Variants in JMJD6 observed in about 807,000 individuals in gnomAD.
JMJD6 encodes the protein bifunctional arginine demethylase and lysyl-hydroxylase JMJD6.
Under a neutral mutation model 45.8 loss-of-function variants are expected in JMJD6, and 17 were observed. The ratio of observed to expected loss-of-function variants is 0.37; its 90% CI spans 0.25 to 0.56. JMJD6 has a LOEUF of 0.56. JMJD6 is among the 20% of genes least tolerant of loss of function. JMJD6 has a pLI of 0.79. For missense variants in JMJD6, 470 were observed against 517.5 expected (o/e 0.91, Z 0.89); for synonymous variants, 221 against 196.3 (o/e 1.13, Z -1.05).
rs111770439 is a variant in JMJD6 at position 76,723,241 on chromosome 17, G to T, written c.805+531C>A. On this transcript the variant is annotated intron_variant, in intron 3 of 5. Coordinates refer to ENST00000397625, the MANE Select transcript of JMJD6 (RefSeq NM_015167.3). ...TATTACAGGTGTGAGCCACCGCACC[G>T]GGCCTGCATACAGTTTATCAGGTTT... Among the ~76,000 whole-genome samples, 413 of 151,858 alleles carry T rather than the reference G, an allele frequency of 2.7e-3. 1 individual carries two copies. Among genetic ancestry groups the T allele is most frequent in the Middle Eastern group, 6.8e-3 (2 of 294 alleles).
Position 76,718,741 on chromosome 17 carries a change from G to C in JMJD6, c.1200C>G (p.Ser400Arg). 6.2e-7 allele frequency: 1 copy of C among 1,614,126 alleles called. No individual in the cohort carries two copies. The highest frequency in any genetic ancestry group is 8.5e-7 in the Non-Finnish European group (1 of 1,179,972). Residue 400 changes from serine to arginine, a missense_variant, in exon 6 of 6, where the codon AGC becomes AGG. By Grantham distance (110) the Ser-to-Arg change is moderately radical (BLOSUM62 -1). This residue lies in a region of JMJD6 where 21 missense variants were observed against 36.9 expected (regional missense o/e 0.57). Transcript: ENST00000397625. ...SQDDCVSKER[S>R]SSR ...CAGCCTTGCTGGGTCACCTGGAGGA[G>C]CTGCGCTCTTTGCTGACACAGTCGT...
At chr17:76,714,854 G>C (rs1442289945), downstream of JMJD6, 1 of 152,096 alleles carries the variant, frequency 6.6e-6, no homozygotes, top group Non-Finnish European at 1.5e-5. Flanking sequence ...TCACTATGTT[G>C]CCCAGACTGG....
At chr17:76,726,033 C>T (rs2076920803) in intron 1 of JMJD6, among the ~76,000 whole-genome samples, 178 bp from the exon 2 acceptor site, 1 of 152,224 alleles carries the variant, frequency 6.6e-6, no homozygotes, top group Non-Finnish European at 1.5e-5. Context: ...GAGCCACCCC[C>T]CATGAGCCTT....
chr17:76,718,421 TGGTATTCTCAAAGGAA>T, downstream of JMJD6: 1 of 1,298,090 alleles, frequency 7.7e-7, no homozygotes, highest in Non-Finnish European at 9.8e-7. Context: ...GGGAATGTTC[TGGTATTCTCAAAGGAA>T]AACATTTCCA....
chr17:76,724,152 G>A, intron 2 of JMJD6, 94 bp from the exon 3 acceptor site: 2 of 1,361,626 alleles, frequency 1.5e-6, no homozygotes, highest in Non-Finnish European at 2.0e-6. Context: ...TGAGAGTCTT[G>A]CTCTATCACC....
chr17:76,723,935 G>C lies in JMJD6; in HGVS notation c.642C>G (p.Pro214=), dbSNP rs2076861767. The part of the protein sequence containing the change: ...KRWCLFPTST[P]RELIKVTRDE... Reference sequence around the variant, plus strand: ...CTCGGGTCACTTTGATGAGTTCCCTGGGAGTGCTGGTAGGAAACAGGCACC... The same window carrying C: ...CTCGGGTCACTTTGATGAGTTCCCTCGGAGTGCTGGTAGGAAACAGGCACC... The change falls in exon 3 of 6, where the codon CCC becomes CCG. Residue 214 remains proline, a synonymous_variant. Coordinates refer to ENST00000397625, the MANE Select transcript of JMJD6 (RefSeq NM_015167.3). 1 of 1,614,092 alleles carries C rather than the reference G, an allele frequency of 6.2e-7. No homozygotes were observed. Among genetic ancestry groups the C allele is most frequent in the Non-Finnish European group, 8.5e-7 (1 of 1,180,020 alleles).
downstream of JMJD6, among the ~76,000 whole-genome samples, chr17:76,716,967 C>T (rs553591541): frequency 6.6e-6 from 1 of 152,110 alleles, no homozygotes; most frequent in Non-Finnish European, 1.5e-5. Flanking sequence ...GAAAGGACAT[C>T]GAGGGTTGAG....
At chr17:76,725,983 G>C in intron 1 of JMJD6, 128 bp from the exon 2 acceptor site, 13 of 1,216,082 alleles carry the variant, frequency 1.1e-5, no homozygotes, top group Non-Finnish European at 1.3e-5. Flanking sequence ...GCTCCTCCGG[G>C]GTGGGGGCAG....
intron 1 of JMJD6, 72 bp downstream of exon 1, chr17:76,726,275 G>A: frequency 6.7e-7 from 1 of 1,493,798 alleles, no homozygotes; most frequent in Non-Finnish European, 8.9e-7. Context: ...GGCAGCCTCG[G>A]GCCCAGAGAA....
rs762334912 is a variant in JMJD6, at chr17:76,725,873, G to C, written c.130-18C>G. ...ACGTTATCCTGAGGGAATTAAAAAA[G>C]ACCTGTCCAGTTAAAAAAAAAAAAA... On this transcript the variant is annotated intron_variant, in intron 1 of 5. Transcript: ENST00000397625. 22 of 1,530,648 alleles carry C rather than the reference G, an allele frequency of 1.4e-5. No individual in the cohort carries two copies. Among genetic ancestry groups the C allele is most frequent in the Non-Finnish European group, 1.9e-5 (22 of 1,149,162 alleles). 94.8% of individuals were successfully genotyped at this position (1,530,648 alleles called of 1,614,324 possible). A position where few individuals can be genotyped will look rare whatever the true frequency, so the allele number is the denominator to read the frequency against.
At chr17:76,713,578 C>T (rs891703231), downstream of JMJD6, 1 of 152,222 alleles carries the variant, frequency 6.6e-6, no homozygotes, top group Non-Finnish European at 1.5e-5. Context: ...AAACAACTTA[C>T]TCGTGGAAAT....
In JMJD6 at chr17:76,725,625, G is replaced by A; in HGVS notation, c.360C>T (p.Tyr120=). The change falls in exon 2 of 6, where the codon TAC becomes TAT. Residue 120 remains tyrosine, a synonymous_variant. Transcript: ENST00000397625. Reference sequence around the variant, plus strand: ...GACTATCATCTCGAGTGCTCTCCATGTACTCGATGTAGTATTTCATCTTCA... The same window carrying A: ...GACTATCATCTCGAGTGCTCTCCATATACTCGATGTAGTATTTCATCTTCA... ...VKMKMKYYIE[Y]MESTRDDSPL... The A allele has an allele frequency of 1.2e-6, 2 of 1,614,064 alleles. No homozygotes were observed. The highest frequency in any genetic ancestry group is 1.7e-6 in the Non-Finnish European group (2 of 1,180,004).
chr17:76,725,165 T>C (rs1047378264), intron 2 of JMJD6, among the ~76,000 whole-genome samples: 5 of 152,044 alleles, frequency 3.3e-5, no homozygotes, highest in Admixed American at 3.3e-4. Flanking sequence ...TCGCAGCACT[T>C]TGGGAGGCCG....
downstream of JMJD6, chr17:76,714,690 A>G (rs560491474): frequency 6.6e-6 from 1 of 152,408 alleles, no homozygotes; most frequent in Non-Finnish European, 1.5e-5. Flanking sequence ...CAGACACTGT[A>G]CTATCCAGAG....
chr17:76,718,614 T>C lies in JMJD6; in HGVS notation c.*115A>G. 6.7e-7 allele frequency: 1 copy of C among 1,489,360 alleles called. No individual in the cohort carries two copies. The allele number at this position is 1,489,360 out of a possible 1,614,324, so 92.3% of individuals were successfully genotyped here. On this transcript the variant is annotated 3_prime_UTR_variant, in exon 6 of 6. Transcript: ENST00000397625. ...ATGGGTTCCCGTGCCGAGGGTGTCC[T>C]CATTCTTGGGCTCTGTCAGGCCTCC... is the stretch of plus-strand genomic sequence containing the variant.
exon 7 of JMJD6, chr17:76,713,438 TG>T (rs2076742974): frequency 6.6e-6 from 1 of 152,146 alleles, no homozygotes; most frequent in African/African-American, 2.4e-5. Flanking sequence ...AGCCACCGCC[TG>T]GGGGTGCAAG....
intron 5 of JMJD6, among the ~76,000 whole-genome samples, chr17:76,719,247 G>A (rs187715538): frequency 1.1e-4 from 17 of 152,230 alleles, no homozygotes; most frequent in East Asian, 1.9e-4. Flanking sequence ...CCTGTTCCCC[G>A]CCTGACGAGA....
In JMJD6 at chr17:76,726,571, G is replaced by T. The variant is rs909158327; in HGVS notation, c.-96C>A. The T allele has an allele frequency of 6.9e-7, 1 of 1,448,060 alleles. No homozygotes were observed. The highest frequency in any genetic ancestry group is 9.1e-7 in the Non-Finnish European group (1 of 1,094,296). The allele number at this position is 1,448,060 out of a possible 1,614,324, so 89.7% of individuals were successfully genotyped here. A position where few individuals can be genotyped will look rare whatever the true frequency, so the allele number is the denominator to read the frequency against. ...CCCGGCCTGGGCGGCGGCGACGGCAGTACCCAAACGCCCTTCGCTCAGTCC... is the reference window on the plus strand; with the variant it reads ...CCCGGCCTGGGCGGCGGCGACGGCATTACCCAAACGCCCTTCGCTCAGTCC... On this transcript the variant is annotated 5_prime_UTR_variant, in exon 1 of 6. The change creates a new upstream start codon in the 5' untranslated region. Transcript: ENST00000397625.
chr17:76,725,807 C>T lies in JMJD6; in HGVS notation c.178G>A (p.Val60Met). ...DALQLSVEEF[V>M]ERYERPYKPV... is the part of the protein sequence containing the mutation. The stretch of plus-strand genomic sequence containing the variant: ...TTGTAAGGTCTTTCATACCGCTCCA[C>T]AAATTCTTCCACAGACAGCTGTAAA... Residue 60 changes from valine to methionine, a missense_variant, in exon 2 of 6, where the codon GTG becomes ATG. Coordinates refer to ENST00000397625, the MANE Select transcript of JMJD6 (RefSeq NM_015167.3). The T allele has an allele frequency of 6.2e-7, 1 of 1,613,682 alleles. No individual in the cohort carries two copies. Among genetic ancestry groups the T allele is most frequent in the Non-Finnish European group, 8.5e-7 (1 of 1,179,924 alleles).
Sources: allele counts gnomAD v4.1 joint callset (sites outside exome capture counted in the v4.1 genomes callset), GRCh38; gene constraint gnomAD v4.1.1; regional missense constraint gnomAD v4.1.1; transcripts MANE v1.5; gene names NCBI Gene and HGNC (gene_info 2026-07-23, HGNC 2026-07-21).